The following SCRG1 variants were observed in gnomAD, a reference collection of about 807,000 sequenced individuals.
The protein encoded by SCRG1 is scrapie-responsive protein 1.
In SCRG1, 3 loss-of-function variants were observed where a neutral mutation model predicts 7.7. The ratio of observed to expected loss-of-function variants is 0.39; its 90% confidence interval spans 0.18 to 1.01. The LOEUF is 1.01. SCRG1 is among the 50% of genes least tolerant of loss of function. The pLI, the probability that SCRG1 is intolerant of heterozygous loss-of-function variation, is 0.36. For synonymous variants in SCRG1, 46 were observed against 41.2 expected (o/e 1.12, Z -0.44); for missense variants, 110 against 117.2 (o/e 0.94, Z 0.28).
the SCRG1 span, among the ~76,000 whole-genome samples, chr4:173,425,802 C>G: frequency 3.5e-3 from 536 of 152,322 alleles, no homozygotes; most frequent in Non-Finnish European, 5.1e-3. Context: ...CTCCCCTGCT[C>G]CCATATCTCC....
the SCRG1 span, among the ~76,000 whole-genome samples, chr4:173,466,832 AT>A: frequency 1.3e-5 from 2 of 152,188 alleles, no homozygotes; most frequent in Non-Finnish European, 2.9e-5. Context: ...AAAATGTAAA[AT>A]TTTGTAATAC....
chr4:173,391,069 T>C (rs984416082), intron 2 of SCRG1, 104 bp downstream of exon 2: 5 of 1,197,312 alleles, frequency 4.2e-6, no homozygotes, highest in African/African-American at 1.5e-5. Context: ...AACAGGATTT[T>C]ACTAAAAGGG....
chr4:173,395,674 C>T (rs1313404697), intron 1 of SCRG1, among the ~76,000 whole-genome samples: 2 of 152,222 alleles, frequency 1.3e-5, no homozygotes, highest in Non-Finnish European at 2.9e-5. Context: ...GTTCCCAAAG[C>T]ACTTATATAT....
the SCRG1 span, among the ~76,000 whole-genome samples, chr4:173,453,684 G>C: frequency 1.3e-5 from 2 of 152,232 alleles, no homozygotes; most frequent in Non-Finnish European, 2.9e-5. Flanking sequence ...TATGCGGTCT[G>C]TCGTTGACTA....
chr4:173,419,833 G>A, the SCRG1 span: 22 of 1,402,654 alleles, frequency 1.6e-5, no homozygotes, highest in Admixed American at 1.9e-4. Flanking sequence ...TCTTGTCCAT[G>A]CCTAACCTAT....
chr4:173,431,348 T>C, the SCRG1 span, among the ~76,000 whole-genome samples: 3 of 152,002 alleles, frequency 2.0e-5, no homozygotes, highest in East Asian at 5.8e-4. Context: ...CAGCTGAAAG[T>C]GAGTTTGGAA....
At chr4:173,440,934 T>A in the SCRG1 span, among the ~76,000 whole-genome samples, 1 of 152,150 alleles carries the variant, frequency 6.6e-6, no homozygotes, top group African/African-American at 2.4e-5. Flanking sequence ...ACACCAGTCG[T>A]ACTGAATTTG....
At chr4:173,517,787 C>T in the SCRG1 span, among the ~76,000 whole-genome samples, 1 of 152,248 alleles carries the variant, frequency 6.6e-6, no homozygotes, top group African/African-American at 2.4e-5. Context: ...GGCGTAGCCA[C>T]AAAAGAGCCT....
chr4:173,482,444 C>T, the SCRG1 span, among the ~76,000 whole-genome samples: 1 of 152,074 alleles, frequency 6.6e-6, no homozygotes, highest in Non-Finnish European at 1.5e-5. Context: ...GCAGTAACTT[C>T]CATCTAAACA....
the SCRG1 span, among the ~76,000 whole-genome samples, chr4:173,463,199 G>C: frequency 4.5e-4 from 69 of 152,178 alleles, no homozygotes; most frequent in Non-Finnish European, 8.8e-4. Context: ...TAGGAATAAG[G>C]TTGAAGACCC....
chr4:173,481,627 G>A, the SCRG1 span, among the ~76,000 whole-genome samples: 1 of 152,098 alleles, frequency 6.6e-6, no homozygotes, highest in East Asian at 1.9e-4. Flanking sequence ...GAGACAGCAA[G>A]ACCAACCCCT....
At chr4:173,448,025 A>G in the SCRG1 span, among the ~76,000 whole-genome samples, 1 of 152,162 alleles carries the variant, frequency 6.6e-6, no homozygotes, top group Non-Finnish European at 1.5e-5. Flanking sequence ...AATCACTTGA[A>G]CCAGGGAGGC....
exon 1 of SCRG1, chr4:173,406,331 ACT>A (rs1158490608): frequency 9.2e-5 from 14 of 152,250 alleles, no homozygotes; most frequent in African/African-American, 3.4e-4. Context: ...AGTTTGACAG[ACT>A]CTACTCATTT....
At chr4:173,413,793 C>T in the SCRG1 span, among the ~76,000 whole-genome samples, 1 of 152,270 alleles carries the variant, frequency 6.6e-6, no homozygotes, top group East Asian at 1.9e-4. Flanking sequence ...TCTAACTTTC[C>T]AGAGGAGAGA....
chr4:173,396,999 G>A (rs925876692), intron 1 of SCRG1, among the ~76,000 whole-genome samples: 1 of 152,096 alleles, frequency 6.6e-6, no homozygotes, highest in African/African-American at 2.4e-5. Flanking sequence ...GTTGCAGTGA[G>A]CCGAGATTGC....
At chr4:173,389,935 T>C in intron 2 of SCRG1, 1 of 323,798 alleles carries the variant, frequency 3.1e-6, no homozygotes, top group East Asian at 8.8e-5. Flanking sequence ...ATATGAAATA[T>C]CCAAGACCAT....
chr4:173,507,197 C>CTGTTTGTTTGTTTGTT, the SCRG1 span, among the ~76,000 whole-genome samples: 5 of 151,274 alleles, frequency 3.3e-5, no homozygotes, highest in African/African-American at 1.2e-4. The surrounding 1 kb of genome is among the most constrained non-coding windows in gnomAD (Gnocchi z 4.4). Flanking sequence ...CCCTGTTTTT[C>CTGTTTGTTTGTTTGTT]TGTTTGTTTG....
chr4:173,473,207 G>C, the SCRG1 span, among the ~76,000 whole-genome samples: 1 of 152,188 alleles, frequency 6.6e-6, no homozygotes, highest in Non-Finnish European at 1.5e-5. Flanking sequence ...ATGGCACACA[G>C]ATACCAAAGA....
At chr4:173,417,087 A>G in the SCRG1 span, among the ~76,000 whole-genome samples, 1 of 150,816 alleles carries the variant, frequency 6.6e-6, no homozygotes, top group Non-Finnish European at 1.5e-5. Flanking sequence ...ACACAATCAC[A>G]TCATCACACA....
Sources: gnomAD v4.1 joint callset for allele counts (sites outside exome capture counted in the v4.1 genomes callset) on GRCh38, gnomAD v4.1.1 for gene constraint, Gnocchi (gnomAD v3.1) non-coding constraint, MANE v1.5 for transcripts, NCBI Gene and HGNC (gene_info 2026-07-23, HGNC 2026-07-21) for gene names.